The following ALPL variants were observed in gnomAD, a reference collection of about 807,000 sequenced individuals.
ALPL encodes the protein alkaline phosphatase, tissue-nonspecific isozyme.
Under a neutral mutation model 51.3 loss-of-function variants are expected in ALPL, and 42 were observed. That is an observed-to-expected ratio of 0.82 (90% CI 0.64 to 1.06). The LOEUF (loss-of-function observed/expected upper bound fraction) is 1.06. Among genes scored for constraint, ALPL ranks in the 50% least tolerant of loss-of-function variants. ALPL has a pLI of 0.00. For synonymous variants in ALPL, 279 were observed against 296.4 expected (o/e 0.94, Z 0.60); for missense variants, 589 against 709.4 (o/e 0.83, Z 1.93).
chr1:21,516,399 T>C (rs12116444), intron 1 of ALPL, among the ~76,000 whole-genome samples: 20,254 of 151,204 alleles, frequency 0.13, 1,558 homozygotes, highest in African/African-American at 0.19. Flanking sequence ...GTCCCTGCCA[T>C]GCCACTACTA....
intron 1 of ALPL, among the ~76,000 whole-genome samples, chr1:21,540,064 G>A (rs922825129): frequency 4.6e-5 from 7 of 152,128 alleles, no homozygotes; most frequent in African/African-American, 1.7e-4. Context: ...TGGAGGAGGT[G>A]GTTGGCGAAC....
Position 21,533,935 on chromosome 1 carries a change from A to AG in ALPL, c.-104-20043_-104-20042insG, listed in dbSNP as rs1324295887. ...TAAAACTCTTGTCTCAAAAAAAAAA[A>AG]AAGAAGAAGAAGAAGAAGAAGAAGA... On this transcript the variant is annotated intron_variant, in intron 1 of 11. Coordinates refer to ENST00000374840, the MANE Select transcript of ALPL (RefSeq NM_000478.6). Among the ~76,000 whole-genome samples, 402 of 100,460 alleles carry AG rather than the reference A, an allele frequency of 4.0e-3. 1 individual carries two copies. Among genetic ancestry groups the AG allele is most frequent in the African/African-American group, 0.014 (383 of 27,784 alleles). The allele number at this position is 100,460 out of a possible 152,430, so 65.9% of individuals were successfully genotyped here. A position where few individuals can be genotyped will look rare whatever the true frequency, so the allele number is the denominator to read the frequency against.
chr1:21,523,089 C>T (rs1236380978), intron 1 of ALPL, among the ~76,000 whole-genome samples: 2 of 152,094 alleles, frequency 1.3e-5, no homozygotes, highest in African/African-American at 4.8e-5. Context: ...AGTTTGAGAC[C>T]AGCATGGCCA....
intron 1 of ALPL, among the ~76,000 whole-genome samples, chr1:21,543,832 G>A (rs563825029): frequency 6.6e-6 from 1 of 152,210 alleles, no homozygotes; most frequent in Admixed American, 6.5e-5. Flanking sequence ...GTCCTGCCAG[G>A]TACAAGCTGG....
chr1:21,543,451 G>C (rs553589033), intron 1 of ALPL, among the ~76,000 whole-genome samples: 1 of 151,884 alleles, frequency 6.6e-6, no homozygotes, highest in Admixed American at 6.6e-5. Flanking sequence ...AAGACCGGCC[G>C]GGCAGAAACA....
intron 1 of ALPL, among the ~76,000 whole-genome samples, chr1:21,551,882 C>T (rs754561983): frequency 1.4e-4 from 22 of 151,758 alleles, no homozygotes; most frequent in Non-Finnish European, 2.4e-4. Context: ...CCCGCTACCT[C>T]TCCCGGCTAA....
intron 2 of ALPL, among the ~76,000 whole-genome samples, chr1:21,559,885 C>T (rs1644461130): frequency 6.6e-6 from 1 of 152,172 alleles, no homozygotes; most frequent in African/African-American, 2.4e-5. Flanking sequence ...CACACACACA[C>T]ATGAGAAAGA....
At chr1:21,525,911 C>A (rs1251656826) in intron 1 of ALPL, among the ~76,000 whole-genome samples, 1 of 152,078 alleles carries the variant, frequency 6.6e-6, no homozygotes, top group African/African-American at 2.4e-5. Flanking sequence ...TTGCTTGAAC[C>A]TGGGAGGCAG....
intron 1 of ALPL, among the ~76,000 whole-genome samples, chr1:21,524,813 C>G (rs373814322): frequency 6.6e-6 from 1 of 152,144 alleles, no homozygotes; most frequent in African/African-American, 2.4e-5. Context: ...CTTAGAAGTG[C>G]GGAGTTTATC....
In ALPL at chr1:21,568,265, C is replaced by G. The variant is rs781692571; in HGVS notation, c.792+18C>G. On this transcript the variant is annotated intron_variant, in intron 7 of 11. Coordinates refer to ENST00000374840, the MANE Select transcript of ALPL (RefSeq NM_000478.6). ...GATACAAGGTAGCCTGTGCTGGGGC[C>G]ATGTGGCTGCAGAGGTGGCCTGTGA... The G allele has an allele frequency of 6.2e-7, 1 of 1,613,878 alleles. No homozygotes were observed. The highest frequency in any genetic ancestry group is 2.2e-5 in the East Asian group (1 of 44,852).
chr1:21,532,717 C>T (rs1256348), intron 1 of ALPL, among the ~76,000 whole-genome samples: 11,136 of 152,298 alleles, frequency 0.073, 489 homozygotes, highest in South Asian at 0.14. Flanking sequence ...GCTTCTGGAC[C>T]TTGGCATGGG....
chr1:21,577,412 G>C lies in ALPL; in HGVS notation c.1339G>C (p.Val447Leu). ...CAACAACTACCAGGCGCAGTCTGCT[G>C]TGCCCCTGCGCCACGAGACCCACGG... ...AHNNYQAQSAVPLRHETHGGE... is the reference protein window; with the variant it reads ...AHNNYQAQSALPLRHETHGGE... Residue 447 changes from valine to leucine, a missense_variant, in exon 12 of 12, where the codon GTG becomes CTG. Transcript: ENST00000374840. 1 of 1,613,274 alleles carries C rather than the reference G, an allele frequency of 6.2e-7. No homozygotes were observed. The highest frequency in any genetic ancestry group is 8.5e-7 in the Non-Finnish European group (1 of 1,179,970).
At chr1:21,522,800 G>C (rs1558528031) in intron 1 of ALPL, among the ~76,000 whole-genome samples, 1 of 152,202 alleles carries the variant, frequency 6.6e-6, no homozygotes, top group Non-Finnish European at 1.5e-5. Flanking sequence ...AGGAAACTCG[G>C]TGCTGGGGGG....
At position 21,530,777 on chromosome 1, in the gene ALPL, A is replaced by ATTT. The variant is rs71016918; in HGVS notation, c.-105+21279_-105+21281dup. ...CACATTGTTTGCTGGCAAGCTTTGA[A>ATTT]TTTTTTTTTTTTTTTTTTTTTGAGA... On this transcript the variant is annotated intron_variant, in intron 1 of 11. Coordinates refer to ENST00000374840, the MANE Select transcript of ALPL (RefSeq NM_000478.6). Among the ~76,000 whole-genome samples the ATTT allele has an allele frequency of 6.0e-3, 672 of 111,828 alleles. 11 individuals carry two copies. Among genetic ancestry groups the ATTT allele is most frequent in the African/African-American group, 9.5e-3 (278 of 29,160 alleles). The allele number at this position is 111,828 out of a possible 152,430, so 73.4% of individuals were successfully genotyped here.
intron 1 of ALPL, among the ~76,000 whole-genome samples, chr1:21,520,748 C>G (rs905234416): frequency 6.6e-6 from 1 of 152,120 alleles, no homozygotes; most frequent in East Asian, 1.9e-4. Context: ...GGTGCCCGGC[C>G]GAAAGCCATT....
At chr1:21,515,196 T>G (rs1474946681) in intron 1 of ALPL, among the ~76,000 whole-genome samples, 2 of 152,202 alleles carry the variant, frequency 1.3e-5, no homozygotes, top group Non-Finnish European at 1.5e-5. Context: ...AAAAAGTTTT[T>G]AGGTGGCTGA....
chr1:21,527,769 C>T (rs1441219038), intron 1 of ALPL, among the ~76,000 whole-genome samples: 3 of 151,910 alleles, frequency 2.0e-5, no homozygotes, highest in African/African-American at 2.4e-5. Flanking sequence ...AGGCTGGTCT[C>T]AAACTCCCAA....
intron 1 of ALPL, among the ~76,000 whole-genome samples, chr1:21,543,336 A>G (rs1644213880): frequency 6.6e-6 from 1 of 152,100 alleles, no homozygotes; most frequent in African/African-American, 2.4e-5. Context: ...AAATCTCATC[A>G]GCTCCTCCCC....
intron 1 of ALPL, among the ~76,000 whole-genome samples, chr1:21,532,064 G>A (rs1644037941): frequency 6.6e-6 from 1 of 152,164 alleles, no homozygotes; most frequent in African/African-American, 2.4e-5. Context: ...GGGGCAAGGA[G>A]CGTGTGGATT....
Sources: allele counts gnomAD v4.1 joint callset (sites outside exome capture counted in the v4.1 genomes callset), GRCh38; gene constraint gnomAD v4.1.1; transcripts MANE v1.5; gene names NCBI Gene and HGNC (gene_info 2026-07-23, HGNC 2026-07-21).